GRID2: variants seen among roughly 807,000 people sequenced by gnomAD.
The protein encoded by GRID2 is glutamate ionotropic receptor delta type subunit 2, also known as glutamate receptor ionotropic, delta-2.
GRID2 carries 33 observed loss-of-function variants against 114.8 expected under a neutral mutation model. The ratio of observed to expected loss-of-function variants is 0.29; its 90% CI spans 0.22 to 0.38. The LOEUF is 0.38. Among genes scored for constraint, GRID2 ranks in the 10% least tolerant of loss-of-function variants. GRID2 has a pLI of 1.00. For synonymous variants in GRID2, 505 were observed against 449.9 expected (o/e 1.12, Z -1.55); for missense variants, 1,184 against 1,257.7 (o/e 0.94, Z 0.89).
At chr4:92,323,104 T>A (rs963392634) in intron 1 of GRID2, among the ~76,000 whole-genome samples, 5 of 152,112 alleles carry the variant, frequency 3.3e-5, no homozygotes, top group Admixed American at 2.0e-4. Context: ...GTACTGTTTT[T>A]TAAAAATGTA....
chr4:92,417,494 T>C (rs934800373), intron 1 of GRID2, among the ~76,000 whole-genome samples: 6 of 152,038 alleles, frequency 3.9e-5, no homozygotes, highest in African/African-American at 1.4e-4. Context: ...AATTACCCCC[T>C]GAGGAACTAA....
chr4:92,818,247 G>A (rs577214994), intron 2 of GRID2, among the ~76,000 whole-genome samples: 1 of 152,142 alleles, frequency 6.6e-6, no homozygotes, highest in South Asian at 2.1e-4. Flanking sequence ...CTTGCCCAGT[G>A]TATATTTCTC....
At chr4:93,614,351 A>T (rs1427858096) in intron 13 of GRID2, among the ~76,000 whole-genome samples, 1 of 152,144 alleles carries the variant, frequency 6.6e-6, no homozygotes, top group Admixed American at 6.5e-5. Context: ...GAAAATTATT[A>T]TTTAGAGTAC....
In GRID2 at chr4:92,489,743, G is replaced by A. The variant is rs192662228; in HGVS notation, c.89-100388G>A. On this transcript the variant is annotated intron_variant, in intron 1 of 15. Transcript: ENST00000282020. Reference sequence around the variant, plus strand: ...CGCCTGTAATCCCAGCTACTCAGGCGGCTGAGGCAGGAGAATCACATGAAC... The same window carrying A: ...CGCCTGTAATCCCAGCTACTCAGGCAGCTGAGGCAGGAGAATCACATGAAC... 2.2e-3 allele frequency among the ~76,000 whole-genome samples: 328 copies of A among 152,012 alleles called. 2 individuals carry two copies. The highest frequency in any genetic ancestry group is 7.4e-3 in the African/African-American group (308 of 41,442).
At chr4:93,320,710 G>T (rs76181447) in intron 8 of GRID2, among the ~76,000 whole-genome samples, 36,229 of 151,596 alleles carry the variant, frequency 0.24, 4,800 homozygotes, top group Middle Eastern at 0.37. Context: ...ATATTGCTGG[G>T]TTTTTTTACA....
chr4:92,670,388 CT>C (rs1733000706), intron 2 of GRID2, among the ~76,000 whole-genome samples: 1 of 151,834 alleles, frequency 6.6e-6, no homozygotes, highest in Admixed American at 6.6e-5. Flanking sequence ...TTTTTTTAAA[CT>C]GATTTAATGA....
chr4:93,475,124 T>G (rs1470848615), intron 11 of GRID2, among the ~76,000 whole-genome samples: 1 of 152,134 alleles, frequency 6.6e-6, no homozygotes, highest in Non-Finnish European at 1.5e-5. Context: ...TTCCTACTGC[T>G]CATCAATTCA....
intron 11 of GRID2, among the ~76,000 whole-genome samples, chr4:93,465,109 G>A (rs1724140809): frequency 6.6e-6 from 1 of 152,180 alleles, no homozygotes; most frequent in Admixed American, 6.5e-5. Context: ...GAAGCATGCA[G>A]CTCCATCATA....
chr4:93,222,526 T>C (rs1285192226), intron 6 of GRID2, among the ~76,000 whole-genome samples: 1 of 151,878 alleles, frequency 6.6e-6, no homozygotes, highest in Non-Finnish European at 1.5e-5. Context: ...GCAGGTTTGT[T>C]ACATACGTAA....
intron 2 of GRID2, among the ~76,000 whole-genome samples, chr4:92,816,939 G>A (rs1740953353): frequency 6.6e-6 from 1 of 152,084 alleles, no homozygotes; most frequent in Non-Finnish European, 1.5e-5. Flanking sequence ...GGTTTACTTT[G>A]TACATAACTA....
At chr4:93,384,752 T>G (rs1057036264) in intron 8 of GRID2, among the ~76,000 whole-genome samples, 2 of 152,192 alleles carry the variant, frequency 1.3e-5, no homozygotes, top group African/African-American at 4.8e-5. Context: ...ATGCACTGCA[T>G]TATTTCTTGC....
chr4:93,195,779 A>G (rs1023685958), intron 4 of GRID2, among the ~76,000 whole-genome samples: 1 of 152,232 alleles, frequency 6.6e-6, no homozygotes, highest in Non-Finnish European at 1.5e-5. Flanking sequence ...ATTCTAAGAC[A>G]TATAAATGGC....
intron 2 of GRID2, among the ~76,000 whole-genome samples, chr4:92,644,335 T>C (rs565065230): frequency 6.6e-6 from 1 of 151,778 alleles, no homozygotes; most frequent in African/African-American, 2.4e-5. Flanking sequence ...TTGATATCAA[T>C]ATGCTTCTCC....
intron 8 of GRID2, among the ~76,000 whole-genome samples, chr4:93,324,583 A>G (rs970392066): frequency 6.6e-5 from 10 of 151,948 alleles, no homozygotes; most frequent in Non-Finnish European, 7.4e-5. Context: ...CTCTTTTTCT[A>G]TTGATTGGAA....
intron 8 of GRID2, among the ~76,000 whole-genome samples, chr4:93,291,169 G>T (rs918193452): frequency 6.6e-6 from 1 of 151,436 alleles, no homozygotes; most frequent in African/African-American, 2.4e-5. Context: ...CACCGTGCCC[G>T]GCCGGCATAC....
chr4:93,256,797 T>G (rs1394306628), intron 8 of GRID2, among the ~76,000 whole-genome samples: 1 of 151,930 alleles, frequency 6.6e-6, no homozygotes, highest in East Asian at 1.9e-4. Context: ...GGGTCAAATA[T>G]TTTTGAATTG....
intron 1 of GRID2, among the ~76,000 whole-genome samples, chr4:92,352,491 C>T (rs529266149): frequency 7.2e-5 from 11 of 151,778 alleles, no homozygotes; most frequent in African/African-American, 2.2e-4. Context: ...TTGATTGTTA[C>T]GTTTTCTAGG....
At chr4:93,673,329 A>T (rs1335090205) in intron 14 of GRID2, among the ~76,000 whole-genome samples, 1 of 152,210 alleles carries the variant, frequency 6.6e-6, no homozygotes, top group Non-Finnish European at 1.5e-5. Context: ...GTTTTAAAAA[A>T]ATTATTTTAA....
chr4:92,560,683 T>C lies in GRID2; in HGVS notation c.89-29448T>C, dbSNP rs1274069204. 3.9e-5 allele frequency among the ~76,000 whole-genome samples: 6 copies of C among 152,108 alleles called. No individual in the cohort carries two copies. In the East Asian group the frequency reaches 1.2e-3, roughly 29 times the overall value. Reference sequence around the variant, plus strand: ...ATCCTACTGATATTTCCAGACCTTGTTGAAGCCCACCTTCTACATGGAACT... The same window carrying C: ...ATCCTACTGATATTTCCAGACCTTGCTGAAGCCCACCTTCTACATGGAACT... On this transcript the variant is annotated intron_variant, in intron 1 of 15. Transcript: ENST00000282020.
Sources: gnomAD v4.1 joint callset for allele counts (sites outside exome capture counted in the v4.1 genomes callset) on GRCh38, gnomAD v4.1.1 for gene constraint, MANE v1.5 for transcripts, NCBI Gene and HGNC (gene_info 2026-07-23, HGNC 2026-07-21) for gene names.